PRRX2: variants seen among roughly 807,000 people sequenced by gnomAD.
PRRX2 encodes paired related homeobox 2, also known as paired mesoderm homeobox protein 2.
PRRX2 carries 11 observed loss-of-function variants against 18.0 expected under a neutral mutation model. The observed-to-expected ratio is 0.61, with a 90% confidence interval of 0.39 to 1.01. The LOEUF is 1.01. Among genes scored for constraint, PRRX2 ranks in the 50% least tolerant of loss-of-function variants. PRRX2 has a pLI of 0.01. For synonymous variants in PRRX2, 177 were observed against 154.8 expected (o/e 1.14, Z -1.06); for missense variants, 387 against 351.0 (o/e 1.10, Z -0.82).
At chr9:129,721,287 G>A (rs563720232) in intron 3 of PRRX2, among the ~76,000 whole-genome samples, 3 of 152,266 alleles carry the variant, frequency 2.0e-5, no homozygotes, top group East Asian at 1.9e-4. Flanking sequence ...CCTGGCCTGC[G>A]GGCATGGCTG....
At chr9:129,708,513 A>G (rs543668716) in intron 1 of PRRX2, among the ~76,000 whole-genome samples, 2 of 152,118 alleles carry the variant, frequency 1.3e-5, no homozygotes, top group African/African-American at 2.4e-5. Flanking sequence ...TTAAATTGGG[A>G]TATTTGTCTT....
At chr9:129,666,613 G>T (rs1253626193) in intron 1 of PRRX2, among the ~76,000 whole-genome samples, 1 of 122,772 alleles carries the variant, frequency 8.1e-6, no homozygotes, top group Admixed American at 1.1e-4. Context: ...CAGCTGCCTC[G>T]GTGGAACGGC....
At chr9:129,679,808 A>G (rs150248423) in intron 1 of PRRX2, among the ~76,000 whole-genome samples, 2 of 152,308 alleles carry the variant, frequency 1.3e-5, no homozygotes, top group East Asian at 3.9e-4. Flanking sequence ...GGTGATGCAG[A>G]CAGAGAAATG....
At position 129,684,456 on chromosome 9, in the gene PRRX2, ACACC is replaced by A. The variant is rs1380824689; in HGVS notation, c.259+18333_259+18336del. On this transcript the variant is annotated intron_variant, in intron 1 of 3. Transcript: ENST00000372469. ...CACACACACACACACACACACACAC[ACACC>A]CAACAGAAAAGATACCAGAAATCAC... is the stretch of plus-strand genomic sequence containing the variant. Among the ~76,000 whole-genome samples, 93 of 126,034 alleles carry A rather than the reference ACACC, an allele frequency of 7.4e-4. 2 individuals carry two copies. Among genetic ancestry groups the A allele is most frequent in the Admixed American group, 3.1e-3 (32 of 10,392 alleles). 82.7% of individuals were successfully genotyped at this position (126,034 alleles called of 152,430 possible).
chr9:129,670,522 G>T (rs992467156), intron 1 of PRRX2, among the ~76,000 whole-genome samples: 1 of 151,964 alleles, frequency 6.6e-6, no homozygotes, highest in Non-Finnish European at 1.5e-5. Flanking sequence ...TTACAGGTGC[G>T]TGCCACCATA....
chr9:129,705,333 T>G (rs1832543481), intron 1 of PRRX2, among the ~76,000 whole-genome samples: 1 of 152,178 alleles, frequency 6.6e-6, no homozygotes, highest in Admixed American at 6.5e-5. Flanking sequence ...AGCCAGGGCC[T>G]CAGAGCCACT....
At chr9:129,684,503 CA>C (rs1832276845) in intron 1 of PRRX2, among the ~76,000 whole-genome samples, 1 of 112,976 alleles carries the variant, frequency 8.9e-6, no homozygotes, top group East Asian at 2.3e-4. Context: ...CACACACACA[CA>C]CACACACACA....
chr9:129,722,227 C>T lies in PRRX2; in HGVS notation c.637C>T (p.Pro213Ser). The change falls in exon 4 of 4, where the codon CCC becomes TCC. Residue 213 changes from proline to serine, a missense_variant. Physicochemically the swap from Pro to Ser is moderately conservative, Grantham distance 74 (BLOSUM62 -1). Transcript: ENST00000372469. ...TCATGTCGCCCCCAGCACAGTGCCA[C>T]CCTACAGCCCTGGGAGCTCAGGCCC... ...TASSPYSTVP[P>S]YSPGSSGPAT... 1 of 1,613,724 alleles carries T rather than the reference C, an allele frequency of 6.2e-7. No individual in the cohort carries two copies. Among genetic ancestry groups the T allele is most frequent in the Non-Finnish European group, 8.5e-7 (1 of 1,179,842 alleles).
At chr9:129,693,741 C>A (rs1188788611) in intron 1 of PRRX2, among the ~76,000 whole-genome samples, 2 of 152,192 alleles carry the variant, frequency 1.3e-5, no homozygotes, top group Non-Finnish European at 2.9e-5. Context: ...TTTTTCCTGC[C>A]ACCACCAAGG....
At chr9:129,697,481 C>T (rs1012164822) in intron 1 of PRRX2, among the ~76,000 whole-genome samples, 3 of 149,460 alleles carry the variant, frequency 2.0e-5, no homozygotes, top group African/African-American at 5.0e-5. Flanking sequence ...GCCAGGGGCT[C>T]GTCTGGAACC....
chr9:129,665,862 G>T lies in PRRX2; in HGVS notation c.-6G>T. ...CCCGCCGGCCCCCCCGGGGCCGCTC[G>T]CGGGCATGGACAGCGCGGCCGCCGC... On this transcript the variant is annotated 5_prime_UTR_variant, in exon 1 of 4. Coordinates refer to ENST00000372469, the MANE Select transcript of PRRX2 (RefSeq NM_016307.4). The surrounding 1 kb of genome is among the most constrained non-coding windows in gnomAD (Gnocchi z 5.3). 9.6e-7 allele frequency: 1 copy of T among 1,041,822 alleles called. No individual in the cohort carries two copies. Among genetic ancestry groups the T allele is most frequent in the Non-Finnish European group, 1.1e-6 (1 of 869,854 alleles). The allele number at this position is 1,041,822 out of a possible 1,614,324, so 64.5% of individuals were successfully genotyped here.
chr9:129,699,872 G>A (rs140185362), intron 1 of PRRX2, among the ~76,000 whole-genome samples: 8 of 152,294 alleles, frequency 5.3e-5, no homozygotes, highest in Admixed American at 4.6e-4. Flanking sequence ...CTGAGGCACC[G>A]ACAGCAGCTG....
intron 1 of PRRX2, among the ~76,000 whole-genome samples, chr9:129,682,313 C>T (rs935878850): frequency 1.5e-5 from 2 of 129,054 alleles, no homozygotes; most frequent in African/African-American, 6.2e-5. Context: ...ATGTCCCCGC[C>T]GCTGCTGCTG....
chr9:129,694,866 C>A (rs985020473), intron 1 of PRRX2, among the ~76,000 whole-genome samples: 5 of 152,134 alleles, frequency 3.3e-5, no homozygotes, highest in South Asian at 2.1e-4. Context: ...TGTGCCATGA[C>A]CCTAGTGGTC....
At chr9:129,707,062 C>T (rs540921814) in intron 1 of PRRX2, among the ~76,000 whole-genome samples, 3 of 152,236 alleles carry the variant, frequency 2.0e-5, no homozygotes, top group South Asian at 4.1e-4. Context: ...TCGAGATTAG[C>T]CTGGCCAACA....
chr9:129,711,399 C>CTTTT lies in PRRX2; in HGVS notation c.260-7811_260-7808dup, dbSNP rs897807963. ...ATTCCCATTTTTCAGGTGAGATTCT[C>CTTTT]TTTTTTTTTTTTTTTTTTTTTTTTG... On this transcript the variant is annotated intron_variant, in intron 1 of 3. Coordinates refer to ENST00000372469, the MANE Select transcript of PRRX2 (RefSeq NM_016307.4). 3.7e-3 allele frequency among the ~76,000 whole-genome samples: 314 copies of CTTTT among 85,036 alleles called. 4 individuals are homozygous for CTTTT. The highest frequency in any genetic ancestry group is 0.02 in the Middle Eastern group (2 of 98). 55.8% of individuals were successfully genotyped at this position (85,036 alleles called of 152,430 possible).
rs374380150 is a variant in PRRX2, at chr9:129,680,649, C to G, written c.259+14523C>G. ...GCTTGCCTCACGGCTTTGCTGGTAT[C>G]TAACCATGCTTTCCAAAAGGGAGAT... On this transcript the variant is annotated intron_variant, in intron 1 of 3. Coordinates refer to ENST00000372469, the MANE Select transcript of PRRX2 (RefSeq NM_016307.4). 5.9e-5 allele frequency among the ~76,000 whole-genome samples: 9 copies of G among 152,178 alleles called. No homozygotes were observed. In the South Asian group the frequency reaches 1.7e-3, roughly 28 times the overall value.
intron 3 of PRRX2, among the ~76,000 whole-genome samples, chr9:129,721,175 A>G (rs927368652): frequency 6.6e-6 from 1 of 152,168 alleles, no homozygotes; most frequent in African/African-American, 2.4e-5. Context: ...GAGGGAGTAG[A>G]AAACCTGCAG....
chr9:129,719,163 T>C (rs1832752375), intron 1 of PRRX2, 68 bp from the exon 2 acceptor site: 2 of 1,402,602 alleles, frequency 1.4e-6, no homozygotes, highest in Non-Finnish European at 1.9e-6. Flanking sequence ...ACTGCAGAGT[T>C]GGGGGCTGAA....
Sources: allele counts gnomAD v4.1 joint callset (sites outside exome capture counted in the v4.1 genomes callset), GRCh38; gene constraint gnomAD v4.1.1; non-coding constraint Gnocchi (gnomAD v3.1); transcripts MANE v1.5; gene names NCBI Gene and HGNC (gene_info 2026-07-23, HGNC 2026-07-21).